BCAS3: variants seen among roughly 807,000 people sequenced by gnomAD.
The protein encoded by BCAS3 is BCAS3 microtubule associated cell migration factor.
In BCAS3, 53 loss-of-function variants were observed where a neutral mutation model predicts 116.1. That is an observed-to-expected ratio of 0.46 (90% CI 0.37 to 0.57). The LOEUF (loss-of-function observed/expected upper bound fraction) is 0.57. Ranked by LOEUF, BCAS3 falls within the 20% of genes least tolerant of loss-of-function variation. BCAS3 has a pLI of 0.00. For synonymous variants in BCAS3, 391 were observed against 408.2 expected, an observed-to-expected ratio of 0.96 and a Z score of 0.51; for missense variants, 917 against 1,165.4, an observed-to-expected ratio of 0.79 and a Z score of 3.10.
At chr17:60,715,224 C>T (rs564778937) in intron 5 of BCAS3, among the ~76,000 whole-genome samples, 45 of 150,516 alleles carry the variant, frequency 3.0e-4, no homozygotes, top group Middle Eastern at 3.4e-3. Context: ...GCCTCCACCT[C>T]TGGGGTTCAA....
At position 61,323,552 on chromosome 17, in the gene BCAS3, A is replaced by G. The variant is rs2055486189; in HGVS notation, c.2426-44775A>G. 6.6e-6 allele frequency among the ~76,000 whole-genome samples: 1 copy of G among 152,232 alleles called. No homozygotes were observed. Among genetic ancestry groups the G allele is most frequent in the South Asian group, 2.1e-4 (1 of 4,832 alleles). On this transcript the variant is annotated intron_variant, in intron 22 of 23. Transcript: ENST00000407086. The surrounding 1 kb of genome is among the most constrained non-coding windows in gnomAD (Gnocchi z 4.6). ...GGAAGAGAAAAGTTGTTGATAATGT[A>G]AAAATGCTTTGAGAAATATCTTAGC...
Position 61,023,803 on chromosome 17 carries a change from C to T in BCAS3, c.1637+7902C>T, listed in dbSNP as rs897363151. 6.6e-6 allele frequency among the ~76,000 whole-genome samples: 1 copy of T among 152,044 alleles called. No individual in the cohort carries two copies. The highest frequency in any genetic ancestry group is 6.6e-5 in the Admixed American group (1 of 15,262). ...TCTGTAATATTTCTGGATTTTTAGT[C>T]TCTTGACCAGATTTTCCTGAGATTT... On this transcript the variant is annotated intron_variant, in intron 16 of 23. Transcript: ENST00000407086. The surrounding 1 kb of genome is among the most constrained non-coding windows in gnomAD (Gnocchi z 4.8).
In BCAS3 at chr17:61,211,134, G is replaced by T. The variant is rs77301877; in HGVS notation, c.2425+126570G>T. Among the ~76,000 whole-genome samples, 981 of 152,262 alleles carry T rather than the reference G, an allele frequency of 6.4e-3. 9 individuals carry two copies. The highest frequency in any genetic ancestry group is 0.023 in the African/African-American group (938 of 41,534). ...TGCAGATAGTAATGTTTGGAGGCAT[G>T]CTCAGTTATTCAGAAGAAATGGAAT... is the stretch of plus-strand genomic sequence containing the variant. On this transcript the variant is annotated intron_variant, in intron 22 of 23. Transcript: ENST00000407086. The surrounding 1 kb of genome is among the most constrained non-coding windows in gnomAD (Gnocchi z 4.4).
At chr17:60,724,799 A>G (rs912513532) in intron 5 of BCAS3, among the ~76,000 whole-genome samples, 88 of 150,940 alleles carry the variant, frequency 5.8e-4, no homozygotes, top group Non-Finnish European at 1.1e-3. Context: ...AAAAAAAAAA[A>G]CAGCTTTGTA....
chr17:60,753,617 G>T (rs1341800623), intron 6 of BCAS3, among the ~76,000 whole-genome samples: 2 of 58,896 alleles, frequency 3.4e-5, no homozygotes, highest in Admixed American at 4.6e-4. Flanking sequence ...CACCATGTTA[G>T]CCAGGATGGT....
At chr17:61,010,065 TGTC>T (rs2065005234) in intron 15 of BCAS3, among the ~76,000 whole-genome samples, 1 of 148,510 alleles carries the variant, frequency 6.7e-6, no homozygotes, top group Non-Finnish European at 1.5e-5. Context: ...TTTCAGACTC[TGTC>T]TTTTTTTTTT....
intron 15 of BCAS3, among the ~76,000 whole-genome samples, chr17:60,999,153 A>T (rs2064046215): frequency 6.6e-6 from 1 of 152,124 alleles, no homozygotes; most frequent in Non-Finnish European, 1.5e-5. Flanking sequence ...TTTATTTCAG[A>T]GTTCTCTGTT....
intron 10 of BCAS3, among the ~76,000 whole-genome samples, chr17:60,897,106 A>G (rs1430431492): frequency 6.6e-6 from 1 of 152,186 alleles, no homozygotes; most frequent in Non-Finnish European, 1.5e-5. Flanking sequence ...TATAGTGATA[A>G]TGAATTTTCT....
intron 6 of BCAS3, among the ~76,000 whole-genome samples, chr17:60,782,992 G>C (rs942468394): frequency 1.6e-4 from 25 of 152,088 alleles, no homozygotes; most frequent in African/African-American, 6.0e-4. Context: ...CATAAATATA[G>C]GTCTTTCTAG....
chr17:60,969,575 A>G (rs7209204), intron 14 of BCAS3, among the ~76,000 whole-genome samples: 23,046 of 152,120 alleles, frequency 0.15, 5,813 homozygotes, highest in African/African-American at 0.52. Context: ...GCCAACATAC[A>G]TGTAGTTATT....
chr17:60,891,647 C>T (rs548990876), intron 10 of BCAS3: 9 of 454,366 alleles, frequency 2.0e-5, no homozygotes, highest in African/African-American at 1.2e-4. Flanking sequence ...CTTAAGAAGC[C>T]GTATATCTTT....
At chr17:60,711,225 T>G (rs1048217212) in intron 5 of BCAS3, among the ~76,000 whole-genome samples, 2 of 151,828 alleles carry the variant, frequency 1.3e-5, no homozygotes, top group African/African-American at 2.4e-5. Context: ...AAATTAGAAG[T>G]ATTCTTTTTC....
intron 7 of BCAS3, among the ~76,000 whole-genome samples, chr17:60,816,236 T>C (rs1387506206): frequency 1.3e-5 from 2 of 152,040 alleles, no homozygotes; most frequent in Non-Finnish European, 2.9e-5. Flanking sequence ...GAAAATTCAC[T>C]AAGATTTTCT....
chr17:61,182,818 G>A (rs1002057367), intron 22 of BCAS3, among the ~76,000 whole-genome samples: 8 of 152,208 alleles, frequency 5.3e-5, no homozygotes, highest in Admixed American at 4.6e-4. Flanking sequence ...CCATGTTGTC[G>A]AATGTAGAGT....
At chr17:60,712,401 C>T (rs1211789065) in intron 5 of BCAS3, among the ~76,000 whole-genome samples, 1 of 151,128 alleles carries the variant, frequency 6.6e-6, no homozygotes, top group Admixed American at 6.6e-5. Flanking sequence ...AAAAGACAAT[C>T]TGGGAAAATA....
At chr17:60,776,828 C>A (rs1363384177) in intron 6 of BCAS3, among the ~76,000 whole-genome samples, 1 of 151,532 alleles carries the variant, frequency 6.6e-6, no homozygotes, top group Non-Finnish European at 1.5e-5. Flanking sequence ...TTAGCCTGAC[C>A]AACACAGAGA....
rs1358625168 is a variant in BCAS3, at chr17:61,128,530, C to T, written c.2425+43966C>T. 14 of 985,230 alleles carry T rather than the reference C, an allele frequency of 1.4e-5. No individual in the cohort carries two copies. Among genetic ancestry groups the T allele is most frequent in the Non-Finnish European group, 1.7e-5 (14 of 829,876 alleles). 61.0% of individuals were successfully genotyped at this position (985,230 alleles called of 1,614,324 possible). ...GGACAAACCTTCCGTTCTTCTCTATCCCAAATCGTTTGAATCGTTTGACTG... is the reference window on the plus strand; with the variant it reads ...GGACAAACCTTCCGTTCTTCTCTATTCCAAATCGTTTGAATCGTTTGACTG... On this transcript the variant is annotated intron_variant, in intron 22 of 23. Coordinates refer to ENST00000407086, the MANE Select transcript of BCAS3 (RefSeq NM_017679.5). This position sits in a 1 kb window ranked among gnomAD's most constrained non-coding sequence, Gnocchi z 4.1.
At position 61,017,369 on chromosome 17, in the gene BCAS3, T is replaced by C. The variant is rs189809368; in HGVS notation, c.1637+1468T>C. 3.3e-5 allele frequency among the ~76,000 whole-genome samples: 5 copies of C among 152,294 alleles called. No individual in the cohort carries two copies. In the East Asian group the frequency reaches 9.6e-4, roughly 29 times the overall value. On this transcript the variant is annotated intron_variant, in intron 16 of 23. Coordinates refer to ENST00000407086, the MANE Select transcript of BCAS3 (RefSeq NM_017679.5). The surrounding 1 kb of genome is among the most constrained non-coding windows in gnomAD (Gnocchi z 4.7). ...AGTTAGTCAGTACATAATTGTATCA[T>C]CTTGATTCACTCCAGCATTGTACAA... is the stretch of plus-strand genomic sequence containing the variant.
At position 61,366,374 on chromosome 17, in the gene BCAS3, T is replaced by C. The variant is rs1490082086; in HGVS notation, c.2426-1953T>C. ...AGGGTTATTCATTCTAGTTTAGAGA[T>C]GGAAAAGGAGCTAGAAGGACTGGCT... is the stretch of plus-strand genomic sequence containing the variant. On this transcript the variant is annotated intron_variant, in intron 22 of 23. Transcript: ENST00000407086. The surrounding 1 kb of genome is among the most constrained non-coding windows in gnomAD (Gnocchi z 4.5). Among the ~76,000 whole-genome samples, 1 of 152,108 alleles carries C rather than the reference T, an allele frequency of 6.6e-6. No homozygotes were observed. The highest frequency in any genetic ancestry group is 2.4e-5 in the African/African-American group (1 of 41,426).
Sources: allele counts gnomAD v4.1 joint callset (sites outside exome capture counted in the v4.1 genomes callset), GRCh38; gene constraint gnomAD v4.1.1; non-coding constraint Gnocchi (gnomAD v3.1); transcripts MANE v1.5; gene names NCBI Gene and HGNC (gene_info 2026-07-23, HGNC 2026-07-21).